The following DAZAP1 variants were observed in gnomAD, a reference collection of about 807,000 sequenced individuals.
DAZAP1 encodes the protein DAZ associated protein 1.
DAZAP1 carries 6 observed loss-of-function variants against 60.1 expected under a neutral mutation model. The observed-to-expected ratio is 0.10, with a 90% confidence interval of 0.05 to 0.20. The LOEUF (loss-of-function observed/expected upper bound fraction) is 0.20, where lower values mean the gene tolerates loss of function less well. Ranked by LOEUF, DAZAP1 falls within the 10% of genes least tolerant of loss-of-function variation. The probability of loss-of-function intolerance (pLI) is 1.00; values close to 1 mark genes in which losing one functional copy is unlikely to be tolerated. For synonymous variants in DAZAP1, 235 were observed against 215.9 expected, an observed-to-expected ratio of 1.09 and a Z score of -0.78; for missense variants, 366 against 560.4, an observed-to-expected ratio of 0.65 and a Z score of 3.50.
chr19:1,410,635 T>C (rs1315228635), intron 1 of DAZAP1, among the ~76,000 whole-genome samples: 1 of 152,196 alleles, frequency 6.6e-6, no homozygotes, highest in Non-Finnish European at 1.5e-5. Flanking sequence ...GAGTAGCCGC[T>C]GGGTGCTAGG....
Position 1,418,809 on chromosome 19 carries a change from G to A in DAZAP1, c.303+78G>A. The A allele has an allele frequency of 7.0e-7, 1 of 1,425,992 alleles. No individual in the cohort carries two copies. Among genetic ancestry groups the A allele is most frequent in the Non-Finnish European group, 9.5e-7 (1 of 1,048,000 alleles). The allele number at this position is 1,425,992 out of a possible 1,614,324, so 88.3% of individuals were successfully genotyped here. ...AGGAAATGCGTGCCTTCAATCTGCT[G>A]TTGTCGCTCGTTAAGATTGAGGGCG... On this transcript the variant is annotated intron_variant, in intron 4 of 11. Transcript: ENST00000233078. This position sits in a 1 kb window ranked among gnomAD's most constrained non-coding sequence, Gnocchi z 5.7.
In DAZAP1 at chr19:1,418,570, C is replaced by T; in HGVS notation, c.238-96C>T. 6.6e-7 allele frequency: 1 copy of T among 1,522,806 alleles called. No homozygotes were observed. Among genetic ancestry groups the T allele is most frequent in the Non-Finnish European group, 9.1e-7 (1 of 1,100,076 alleles). 94.3% of individuals were successfully genotyped at this position (1,522,806 alleles called of 1,614,324 possible). ...AATGGAGCCGGCGGGGCGGGGCGGG[C>T]CGGGCTGCTGTGCCGTGGCTGCTGT... On this transcript the variant is annotated intron_variant, in intron 3 of 11. Transcript: ENST00000233078. This position sits in a 1 kb window ranked among gnomAD's most constrained non-coding sequence, Gnocchi z 5.7.
At chr19:1,413,144 G>C (rs748665317) in intron 1 of DAZAP1, among the ~76,000 whole-genome samples, 5 of 152,200 alleles carry the variant, frequency 3.3e-5, no homozygotes, top group Non-Finnish European at 7.3e-5. Flanking sequence ...TCCACACGCC[G>C]CCAGCCAAGG....
At chr19:1,427,067 C>T (rs1215127166) in intron 7 of DAZAP1, 2 of 152,212 alleles carry the variant, frequency 1.3e-5, no homozygotes, top group Non-Finnish European at 2.9e-5. Context: ...TTGCAGACTT[C>T]ATTAATTCCA....
Position 1,418,578 on chromosome 19 carries a change from C to T in DAZAP1, c.238-88C>T. 1 of 1,545,274 alleles carries T rather than the reference C, an allele frequency of 6.5e-7. No homozygotes were observed. Among genetic ancestry groups the T allele is most frequent in the South Asian group, 1.1e-5 (1 of 89,432 alleles). On this transcript the variant is annotated intron_variant, in intron 3 of 11. Coordinates refer to ENST00000233078, the MANE Select transcript of DAZAP1 (RefSeq NM_018959.4). This position sits in a 1 kb window ranked among gnomAD's most constrained non-coding sequence, Gnocchi z 5.7. Reference sequence around the variant, plus strand: ...CGGCGGGGCGGGGCGGGCCGGGCTGCTGTGCCGTGGCTGCTGTTGTGCTGA... The same window carrying T: ...CGGCGGGGCGGGGCGGGCCGGGCTGTTGTGCCGTGGCTGCTGTTGTGCTGA...
In DAZAP1 at chr19:1,423,406, C is replaced by T. The variant is rs895373900; in HGVS notation, c.463+1010C>T. Among the ~76,000 whole-genome samples, 3 of 152,216 alleles carry T rather than the reference C, an allele frequency of 2.0e-5. No homozygotes were observed. Among genetic ancestry groups the T allele is most frequent in the Admixed American group, 6.5e-5 (1 of 15,286 alleles). On this transcript the variant is annotated intron_variant, in intron 6 of 11. Coordinates refer to ENST00000233078, the MANE Select transcript of DAZAP1 (RefSeq NM_018959.4). This position sits in a 1 kb window ranked among gnomAD's most constrained non-coding sequence, Gnocchi z 6.8. ...CTCTCTGTGAATTGTGTGTGATTAACGATATCTCTTTAGATTTCTCTTCTC... is the reference window on the plus strand; with the variant it reads ...CTCTCTGTGAATTGTGTGTGATTAATGATATCTCTTTAGATTTCTCTTCTC...
At position 1,428,575 on chromosome 19, in the gene DAZAP1, G is replaced by C. The variant is rs2083361825; in HGVS notation, c.547-267G>C. Reference sequence around the variant, plus strand: ...CGAAACCCCCGAGGGCTCTGGGCTCGGTCCTGCTGCCCCGCAGTGGGCGGG... The same window carrying C: ...CGAAACCCCCGAGGGCTCTGGGCTCCGTCCTGCTGCCCCGCAGTGGGCGGG... On this transcript the variant is annotated intron_variant, in intron 7 of 11. Transcript: ENST00000233078. The surrounding 1 kb of genome is among the most constrained non-coding windows in gnomAD (Gnocchi z 4.0). The C allele has an allele frequency of 5.0e-6, 2 of 398,086 alleles. No individual in the cohort carries two copies. Among genetic ancestry groups the C allele is most frequent in the Non-Finnish European group, 9.0e-6 (2 of 222,602 alleles). 24.7% of individuals were successfully genotyped at this position (398,086 alleles called of 1,614,324 possible). A position where few individuals can be genotyped will look rare whatever the true frequency, so the allele number is the denominator to read the frequency against.
intron 9 of DAZAP1, 21 bp from the exon 10 acceptor site, chr19:1,430,200 AC>A (rs2144907856): frequency 1.3e-6 from 2 of 1,577,140 alleles, no homozygotes; most frequent in African/African-American, 1.4e-5. Flanking sequence ...TCTGTCCATC[AC>A]CCCCGTACTG....
At position 1,432,617 on chromosome 19, in the gene DAZAP1, G is replaced by T; in HGVS notation, c.975G>T (p.Pro325=). The stretch of plus-strand genomic sequence containing the variant: ...GGGCAGCACCTCTGGCTTTCCCACC[G>T]CCTCCGTCTCAGGCTGCCCCGGACA... ...TPGAAPLAFP[P]PPSQAAPDMS... The change falls in exon 11 of 12, where the codon CCG becomes CCT. Residue 325 remains proline (P), a synonymous_variant. Transcript: ENST00000233078. The surrounding 1 kb of genome is among the most constrained non-coding windows in gnomAD (Gnocchi z 4.9). 1 of 1,613,548 alleles carries T rather than the reference G, an allele frequency of 6.2e-7. No homozygotes were observed. The highest frequency in any genetic ancestry group is 8.5e-7 in the Non-Finnish European group (1 of 1,179,962).
rs1569071917 is a variant in DAZAP1, at chr19:1,422,335, CCT to C, written c.415-9_415-8del. 2 of 1,613,750 alleles carry C rather than the reference CCT, an allele frequency of 1.2e-6. No homozygotes were observed. Among genetic ancestry groups the C allele is most frequent in the African/African-American group, 2.7e-5 (2 of 74,918 alleles). ...GCCCTGGTGTCCGTGCTGACGCCAC[CCT>C]CTCCTTCCAGGTCACGGAGGTAGTC... On this transcript the variant is annotated splice_polypyrimidine_tract_variant and intron_variant, in intron 5 of 11. Transcript: ENST00000233078. This position sits in a 1 kb window ranked among gnomAD's most constrained non-coding sequence, Gnocchi z 4.5.
intron 1 of DAZAP1, among the ~76,000 whole-genome samples, chr19:1,411,764 G>T (rs2082838191): frequency 6.6e-6 from 1 of 152,250 alleles, no homozygotes; most frequent in Non-Finnish European, 1.5e-5. Context: ...ACCCCAGGGG[G>T]TGGAAGATCC....
At chr19:1,411,776 G>T (rs1397377585) in intron 1 of DAZAP1, among the ~76,000 whole-genome samples, 1 of 152,250 alleles carries the variant, frequency 6.6e-6, no homozygotes, top group Non-Finnish European at 1.5e-5. Flanking sequence ...GGAAGATCCG[G>T]AGCTGGGAGT....
In DAZAP1 at chr19:1,425,751, G is replaced by GCAGCGCCCCA; in HGVS notation, c.464-124_464-115dup. ...AGGGAGGCAGCTGCCCCAGGGGCCC[G>GCAGCGCCCCA]CAGCGCCCCACACACAGCTTAGCTG... On this transcript the variant is annotated intron_variant, in intron 6 of 11. Coordinates refer to ENST00000233078, the MANE Select transcript of DAZAP1 (RefSeq NM_018959.4). The surrounding 1 kb of genome is among the most constrained non-coding windows in gnomAD (Gnocchi z 5.4). 1.4e-6 allele frequency: 1 copy of GCAGCGCCCCA among 711,810 alleles called. No individual in the cohort carries two copies. The highest frequency in any genetic ancestry group is 1.6e-5 in the South Asian group (1 of 62,356). 44.1% of individuals were successfully genotyped at this position (711,810 alleles called of 1,614,324 possible).
Position 1,433,719 on chromosome 19 carries a change from C to G in DAZAP1, c.1049-1018C>G, listed in dbSNP as rs778490495. On this transcript the variant is annotated intron_variant, in intron 11 of 11. Transcript: ENST00000233078. This position sits in a 1 kb window ranked among gnomAD's most constrained non-coding sequence, Gnocchi z 6.1. The stretch of plus-strand genomic sequence containing the variant: ...GTGGCGGCTGCTTGGGTTGGTCACC[C>G]TGGTCTCGTCTCTTGCCAGGCCTGG... 8 of 1,610,546 alleles carry G rather than the reference C, an allele frequency of 5.0e-6. No individual in the cohort carries two copies. The South Asian group carries it at 8.8e-5, about 18-fold the overall frequency.
At position 1,433,743 on chromosome 19, in the gene DAZAP1, G is replaced by C; in HGVS notation, c.1049-994G>C. 6.2e-7 allele frequency: 1 copy of C among 1,613,664 alleles called. No individual in the cohort carries two copies. The highest frequency in any genetic ancestry group is 1.1e-5 in the South Asian group (1 of 91,086). ...CCTGGTCTCGTCTCTTGCCAGGCCTGGGTTCCTATTCTCCAGCCCCGCCGG... is the reference window on the plus strand; with the variant it reads ...CCTGGTCTCGTCTCTTGCCAGGCCTCGGTTCCTATTCTCCAGCCCCGCCGG... On this transcript the variant is annotated intron_variant, in intron 11 of 11. Coordinates refer to ENST00000233078, the MANE Select transcript of DAZAP1 (RefSeq NM_018959.4). The surrounding 1 kb of genome is among the most constrained non-coding windows in gnomAD (Gnocchi z 6.1).
chr19:1,417,268 CTG>C, intron 1 of DAZAP1: 1 of 586,896 alleles, frequency 1.7e-6, no homozygotes, highest in Non-Finnish European at 3.0e-6. Context: ...GCGTGCGGCT[CTG>C]TGGCACGGTC....
intron 1 of DAZAP1, among the ~76,000 whole-genome samples, chr19:1,414,450 C>A (rs1050968760): frequency 1.3e-5 from 2 of 152,102 alleles, no homozygotes; most frequent in African/African-American, 4.8e-5. Flanking sequence ...GCACAGTGAT[C>A]AAAATTGAGA....
At chr19:1,427,038 A>G (rs1000430624) in intron 7 of DAZAP1, 5 of 152,220 alleles carry the variant, frequency 3.3e-5, no homozygotes, top group Admixed American at 6.5e-5. Context: ...ATTTTTGTAT[A>G]CACGTGGCTT....
At chr19:1,430,429 T>C (rs1416203090) in intron 10 of DAZAP1, 67 bp downstream of exon 10, 12 of 1,393,460 alleles carry the variant, frequency 8.6e-6, no homozygotes, top group Admixed American at 2.8e-5. Flanking sequence ...GTGGGCGGGG[T>C]GATGGGGAGT....
Sources: allele counts gnomAD v4.1 joint callset (sites outside exome capture counted in the v4.1 genomes callset), GRCh38; gene constraint gnomAD v4.1.1; non-coding constraint Gnocchi (gnomAD v3.1); transcripts MANE v1.5; gene names NCBI Gene and HGNC (gene_info 2026-07-23, HGNC 2026-07-21).